EXOC5: variants seen among roughly 807,000 people sequenced by gnomAD.
EXOC5 encodes SEC10-like 1.
Under a neutral mutation model 90.8 loss-of-function variants are expected in EXOC5, and 17 were observed. The ratio of observed to expected loss-of-function variants is 0.19; its 90% CI spans 0.13 to 0.28. The LOEUF is 0.28. Ranked by LOEUF, EXOC5 falls within the 10% of genes least tolerant of loss-of-function variation. EXOC5 has a pLI of 1.00. For missense variants in EXOC5, 569 were observed against 830.6 expected (o/e 0.69, Z 3.87); for synonymous variants, 260 against 270.0 (o/e 0.96, Z 0.36).
Position 57,214,182 on chromosome 14 carries a change from C to A in EXOC5, c.1613+3800G>T, listed in dbSNP as rs191991723. Among the ~76,000 whole-genome samples, 398 of 152,096 alleles carry A rather than the reference C, an allele frequency of 2.6e-3. 2 individuals are homozygous for A. Among genetic ancestry groups the A allele is most frequent in the African/African-American group, 9.1e-3 (377 of 41,468 alleles). ...TTGGCATGTCCAGCCTACACACATG[C>A]CATTTTATTATTCTTTGTAGGCATG... is the stretch of plus-strand genomic sequence containing the variant. On this transcript the variant is annotated intron_variant, in intron 15 of 17. Transcript: ENST00000621441.
At chr14:57,261,043 T>C (rs992714616) in intron 1 of EXOC5, among the ~76,000 whole-genome samples, 4 of 152,232 alleles carry the variant, frequency 2.6e-5, no homozygotes, top group Admixed American at 2.6e-4. Context: ...TAAATAACTA[T>C]ATTTTCTCAT....
chr14:57,231,568 A>G lies in EXOC5; in HGVS notation c.1086T>C (p.Ala362=). 6.2e-7 allele frequency: 1 copy of G among 1,612,770 alleles called. No homozygotes were observed. The highest frequency in any genetic ancestry group is 8.5e-7 in the Non-Finnish European group (1 of 1,179,712). The stretch of plus-strand genomic sequence containing the variant: ...AATCATAATAGCGCTGTAGGATCAT[A>G]GCACTTCTGCTTTTCAAATATCCAG... ...VETGYLKSRS[A]MILQRYYDSK... Residue 362 remains alanine (A), a synonymous_variant, in exon 11 of 18, where the codon GCT becomes GCC. Coordinates refer to ENST00000621441, the MANE Select transcript of EXOC5 (RefSeq NM_006544.4).
At chr14:57,230,058 A>T (rs1205467796) in intron 11 of EXOC5, among the ~76,000 whole-genome samples, 177 bp from the exon 12 acceptor site, 2 of 152,194 alleles carry the variant, frequency 1.3e-5, no homozygotes, top group African/African-American at 2.4e-5. Context: ...TCTAAACGGA[A>T]GATTTTCATC....
intron 1 of EXOC5, among the ~76,000 whole-genome samples, chr14:57,266,705 TTATA>T (rs3049820): frequency 6.7e-6 from 1 of 148,766 alleles, no homozygotes; most frequent in Non-Finnish European, 1.5e-5. Flanking sequence ...TATATATACG[TTATA>T]TATATATATG....
At chr14:57,213,364 A>G (rs1882881285) in intron 15 of EXOC5, among the ~76,000 whole-genome samples, 1 of 152,122 alleles carries the variant, frequency 6.6e-6, no homozygotes, top group South Asian at 2.1e-4. Flanking sequence ...CCTGGGTGAC[A>G]GAGCAAGATC....
rs546941792 is a variant in EXOC5 at position 57,247,979 on chromosome 14, TAAAC to T, written c.28-271_28-268del. Among the ~76,000 whole-genome samples the T allele has an allele frequency of 8.4e-3, 1,278 of 151,920 alleles. 18 individuals carry two copies. Among genetic ancestry groups the T allele is most frequent in the Middle Eastern group, 0.017 (5 of 294 alleles). Reference sequence around the variant, plus strand: ...CAACTCAACAGAAAAATGAGCAAAGTAAACAAACAAGTAATTTGTAGAAGAAATA... The same window carrying T: ...CAACTCAACAGAAAAATGAGCAAAGTAAACAAGTAATTTGTAGAAGAAATA... On this transcript the variant is annotated intron_variant, in intron 1 of 17. Coordinates refer to ENST00000621441, the MANE Select transcript of EXOC5 (RefSeq NM_006544.4).
In EXOC5 at chr14:57,210,478, A is replaced by C. The variant is rs141948988; in HGVS notation, c.1614-417T>G. 1.1e-4 allele frequency among the ~76,000 whole-genome samples: 17 copies of C among 152,336 alleles called. No individual in the cohort carries two copies. The East Asian group carries it at 2.9e-3, about 26-fold the overall frequency. On this transcript the variant is annotated intron_variant, in intron 15 of 17. Coordinates refer to ENST00000621441, the MANE Select transcript of EXOC5 (RefSeq NM_006544.4). Reference sequence around the variant, plus strand: ...AATATTTGTACATACATAATAAGATATCTTGGGGACGGGACCCATTCTAAA... The same window carrying C: ...AATATTTGTACATACATAATAAGATCTCTTGGGGACGGGACCCATTCTAAA...
chr14:57,258,018 G>C (rs1312841735), intron 1 of EXOC5, among the ~76,000 whole-genome samples: 1 of 152,132 alleles, frequency 6.6e-6, no homozygotes, highest in Non-Finnish European at 1.5e-5. Context: ...ACTACCATAT[G>C]AAATTTAGCT....
intron 15 of EXOC5, among the ~76,000 whole-genome samples, chr14:57,217,363 T>G (rs191029068): frequency 6.6e-6 from 1 of 152,200 alleles, no homozygotes; most frequent in Non-Finnish European, 1.5e-5. Flanking sequence ...CGCAAGTCTA[T>G]CCGTGCCACT....
intron 15 of EXOC5, among the ~76,000 whole-genome samples, chr14:57,217,347 T>C (rs760578770): frequency 1.3e-5 from 2 of 152,224 alleles, no homozygotes; most frequent in African/African-American, 2.4e-5. Context: ...TGCAGGCTTA[T>C]GGCAACGCAA....
intron 3 of EXOC5, among the ~76,000 whole-genome samples, chr14:57,244,835 A>C (rs924064226): frequency 6.6e-6 from 1 of 152,154 alleles, no homozygotes; most frequent in Non-Finnish European, 1.5e-5. Flanking sequence ...AATCTCTACT[A>C]AAAATACAAA....
chr14:57,236,998 T>G (rs529302037), intron 6 of EXOC5, among the ~76,000 whole-genome samples: 66 of 152,130 alleles, frequency 4.3e-4, no homozygotes, highest in African/African-American at 1.5e-3. Context: ...AAATGCAAGG[T>G]ATAAAGCTAT....
At chr14:57,226,688 A>C (rs1883318340) in intron 12 of EXOC5, among the ~76,000 whole-genome samples, 1 of 152,210 alleles carries the variant, frequency 6.6e-6, no homozygotes, top group South Asian at 2.1e-4. Context: ...CCCACATATA[A>C]ATGGTCCATT....
rs1013852331 is a variant in EXOC5 at position 57,231,405 on chromosome 14, C to A, written c.1148+101G>T. ...CAATCTGGATTAAAAGAACTCTTCACAGAAAATTCTAATGATAGTCAACAT... is the reference window on the plus strand; with the variant it reads ...CAATCTGGATTAAAAGAACTCTTCAAAGAAAATTCTAATGATAGTCAACAT... On this transcript the variant is annotated intron_variant, in intron 11 of 17. Coordinates refer to ENST00000621441, the MANE Select transcript of EXOC5 (RefSeq NM_006544.4). 1.1e-5 allele frequency: 8 copies of A among 747,246 alleles called. 1 individual carries two copies. In the South Asian group the frequency reaches 1.5e-4, roughly 14 times the overall value. 46.3% of individuals were successfully genotyped at this position (747,246 alleles called of 1,614,324 possible).
intron 1 of EXOC5, among the ~76,000 whole-genome samples, chr14:57,255,575 C>T (rs1230238111): frequency 6.6e-6 from 1 of 152,134 alleles, no homozygotes; most frequent in Non-Finnish European, 1.5e-5. Flanking sequence ...AGGGCATACT[C>T]TATTAAAATG....
chr14:57,220,540 T>C (rs939809616), intron 13 of EXOC5, among the ~76,000 whole-genome samples: 18 of 151,824 alleles, frequency 1.2e-4, no homozygotes, highest in African/African-American at 4.4e-4. Context: ...ATAGCTTAAA[T>C]CAAAACAAAA....
chr14:57,244,848 T>C (rs10149525), intron 3 of EXOC5, among the ~76,000 whole-genome samples: 5,232 of 152,178 alleles, frequency 0.034, 307 homozygotes, highest in African/African-American at 0.12. Flanking sequence ...AATACAAATA[T>C]TAGCTGGGTT....
Position 57,268,631 on chromosome 14 carries a change from C to G in EXOC5, c.18G>C (p.Glu6Asp). MATTA[E>D]LFEEPFVADE... is the part of the protein sequence containing the mutation. ...AGCCGCCGGGGCCCACCTCGAAGAG[C>G]TCGGCCGTGGTAGCCATCCCGGCCG... Residue 6 changes from glutamate to aspartate, a missense_variant, in exon 1 of 18, where the codon GAG becomes GAC. Transcript: ENST00000621441. 6 of 1,591,366 alleles carry G rather than the reference C, an allele frequency of 3.8e-6. No individual in the cohort carries two copies. The highest frequency in any genetic ancestry group is 5.1e-6 in the Non-Finnish European group (6 of 1,174,716).
At chr14:57,222,857 G>A (rs1001288870) in intron 12 of EXOC5, among the ~76,000 whole-genome samples, 3 of 151,594 alleles carry the variant, frequency 2.0e-5, no homozygotes, top group African/African-American at 7.3e-5. Flanking sequence ...CTTACTGTGG[G>A]CCAAAGAGGT....
Sources: gnomAD v4.1 joint callset for allele counts (sites outside exome capture counted in the v4.1 genomes callset) on GRCh38, gnomAD v4.1.1 for gene constraint, MANE v1.5 for transcripts, NCBI Gene and HGNC (gene_info 2026-07-23, HGNC 2026-07-21) for gene names.